Variants in PCDH11X observed in about 807,000 individuals in gnomAD.
PCDH11X encodes protocadherin-11 X-linked.
Under a neutral mutation model 53.3 loss-of-function variants are expected in PCDH11X, and 18 were observed. The observed-to-expected ratio is 0.34, with a 90% confidence interval of 0.23 to 0.50. The LOEUF (loss-of-function observed/expected upper bound fraction) is 0.50. Ranked by LOEUF, PCDH11X falls within the 20% of genes least tolerant of loss-of-function variation. The pLI is 0.98. For missense variants in PCDH11X, 570 were observed against 1,032.4 expected, an observed-to-expected ratio of 0.55 and a Z score of 6.14; for synonymous variants, 279 against 393.3, an observed-to-expected ratio of 0.71 and a Z score of 3.44.
At chrX:92,526,290 A>C (rs1360690717) in intron 10 of PCDH11X, among the ~76,000 whole-genome samples, 1 of 111,146 alleles carries the variant, frequency 9.0e-6, no homozygotes. Flanking sequence ...CTAAGACTTT[A>C]GGAGAATTGA....
intron 6 of PCDH11X, among the ~76,000 whole-genome samples, chrX:91,996,166 G>A (rs57979959): frequency 3.6e-5 from 2 of 54,840 alleles, no homozygotes; most frequent in Non-Finnish European, 6.2e-5. Flanking sequence ...TTTTTTTTGA[G>A]ACGGAGGTTC....
At position 92,596,275 on chromosome X, in the gene PCDH11X, A is replaced by G. The variant is rs201273168; in HGVS notation, c.3368-21989A>G. Among the ~76,000 whole-genome samples the G allele has an allele frequency of 1.5e-4, 17 of 111,809 alleles. No individual in the cohort carries two copies. In the East Asian group the frequency reaches 2.6e-3, roughly 17 times the overall value. On this transcript the variant is annotated intron_variant, in intron 10 of 10. Coordinates refer to ENST00000682573, the MANE Select transcript of PCDH11X (RefSeq NM_032968.5). The stretch of plus-strand genomic sequence containing the variant: ...ATTCTCCTGGGACCAACCTCCCCCA[A>G]TTGTACCACCTGTCAGCAGGAAGAA...
At chrX:92,491,318 A>G (rs1387899461) in intron 10 of PCDH11X, among the ~76,000 whole-genome samples, 1 of 111,226 alleles carries the variant, frequency 9.0e-6, no homozygotes, top group Non-Finnish European at 1.9e-5. Flanking sequence ...GAAATTGAGC[A>G]AGTATAGTGC....
intron 9 of PCDH11X, among the ~76,000 whole-genome samples, chrX:92,454,952 T>A: frequency 9.1e-6 from 1 of 109,753 alleles, no homozygotes; most frequent in Middle Eastern, 4.7e-3. Context: ...TTTGAGAAAA[T>A]ATTTTGAGGA....
intron 5 of PCDH11X, among the ~76,000 whole-genome samples, chrX:91,857,798 C>G (rs1334602981): frequency 8.9e-6 from 1 of 112,058 alleles, no homozygotes. Flanking sequence ...GGTACAGCCC[C>G]TCTCCTGGCT....
At chrX:91,802,669 A>T (rs980194488) in intron 1 of PCDH11X, among the ~76,000 whole-genome samples, 2 of 111,877 alleles carry the variant, frequency 1.8e-5, no homozygotes, top group African/African-American at 6.5e-5. Context: ...GTCTGACTAA[A>T]TATCTATATA....
chrX:91,919,297 C>A (rs1193364089), intron 6 of PCDH11X, among the ~76,000 whole-genome samples: 1 of 111,501 alleles, frequency 9.0e-6, no homozygotes, highest in Non-Finnish European at 1.9e-5. Flanking sequence ...GCAGCACTGA[C>A]CTAGTGTCAC....
At chrX:92,605,437 A>G (rs1016209424) in intron 10 of PCDH11X, among the ~76,000 whole-genome samples, 20 of 111,565 alleles carry the variant, frequency 1.8e-4, no homozygotes, top group South Asian at 3.7e-4. Flanking sequence ...TCTATTAAAC[A>G]TTAAACATTG....
chrX:92,487,500 G>A (rs1478799802), intron 10 of PCDH11X, among the ~76,000 whole-genome samples: 3 of 110,744 alleles, frequency 2.7e-5, no homozygotes, highest in African/African-American at 9.9e-5. Flanking sequence ...AAAACAAAAA[G>A]TTCCAGATGA....
chrX:92,416,531 C>G (rs187343213), intron 9 of PCDH11X, among the ~76,000 whole-genome samples: 2 of 105,182 alleles, frequency 1.9e-5, no homozygotes, highest in Non-Finnish European at 3.8e-5. Context: ...ATGGAAGGCA[C>G]GTGTTTATAA....
intron 7 of PCDH11X, among the ~76,000 whole-genome samples, chrX:92,235,861 C>T (rs1306993714): frequency 1.8e-5 from 2 of 110,262 alleles, no homozygotes; most frequent in African/African-American, 3.3e-5. Context: ...ACGTACAGCC[C>T]GGGGTAGGAT....
chrX:92,102,241 T>A (rs2064273231), intron 6 of PCDH11X, among the ~76,000 whole-genome samples: 1 of 110,652 alleles, frequency 9.0e-6, no homozygotes, highest in Non-Finnish European at 1.9e-5. Flanking sequence ...GAAAATAGAT[T>A]TTGGAAGTTA....
chrX:91,845,976 T>C (rs1322408886), intron 5 of PCDH11X, among the ~76,000 whole-genome samples: 1 of 111,435 alleles, frequency 9.0e-6, no homozygotes, highest in Non-Finnish European at 1.9e-5. Context: ...TTTAAAATTT[T>C]TCTCCAACTG....
At chrX:91,914,551 G>A (rs1329505331) in intron 6 of PCDH11X, among the ~76,000 whole-genome samples, 1 of 111,050 alleles carries the variant, frequency 9.0e-6, no homozygotes, top group Non-Finnish European at 1.9e-5. Context: ...ATATCACAAA[G>A]AAAATACAAT....
intron 8 of PCDH11X, among the ~76,000 whole-genome samples, chrX:92,280,761 CATAAT>C: frequency 9.2e-6 from 1 of 108,668 alleles, no homozygotes; most frequent in Non-Finnish European, 1.9e-5. Flanking sequence ...TCCTTTGAAG[CATAAT>C]GTAATTAATC....
At chrX:92,571,639 G>A (rs1297335149) in intron 10 of PCDH11X, among the ~76,000 whole-genome samples, 2 of 107,886 alleles carry the variant, frequency 1.9e-5, no homozygotes, top group East Asian at 5.8e-4. Flanking sequence ...TTGCCGTAAT[G>A]AGTCAGAATG....
chrX:91,894,942 C>T (rs192082157), intron 6 of PCDH11X, among the ~76,000 whole-genome samples: 2 of 110,698 alleles, frequency 1.8e-5, no homozygotes, highest in African/African-American at 6.6e-5. Context: ...TGCTGTAGTT[C>T]AGACCTTCTC....
At chrX:92,031,980 G>A (rs1436543766) in intron 6 of PCDH11X, among the ~76,000 whole-genome samples, 4 of 111,465 alleles carry the variant, frequency 3.6e-5, no homozygotes, top group South Asian at 7.5e-4. Flanking sequence ...TTTGGTGTTC[G>A]CATATAAATT....
intron 6 of PCDH11X, among the ~76,000 whole-genome samples, chrX:92,028,184 G>T (rs2062995873): frequency 1.0e-5 from 1 of 98,593 alleles, no homozygotes; most frequent in Non-Finnish European, 2.0e-5. Context: ...AGAAACAAAG[G>T]TAAGTGTTAA....
Sources: allele counts gnomAD v4.1 joint callset (sites outside exome capture counted in the v4.1 genomes callset), GRCh38; gene constraint gnomAD v4.1.1; transcripts MANE v1.5; gene names NCBI Gene and HGNC (gene_info 2026-07-23, HGNC 2026-07-21).